EEFSEC: variants seen among roughly 807,000 people sequenced by gnomAD.
EEFSEC encodes the protein selenocysteine-specific elongation factor.
EEFSEC carries 43 observed loss-of-function variants against 42.1 expected under a neutral mutation model. That is an observed-to-expected ratio of 1.02 (90% CI 0.80 to 1.32). The LOEUF is 1.32. Among genes scored for constraint, EEFSEC ranks in the 40% most tolerant of loss-of-function variants. The probability of loss-of-function intolerance (pLI) is 0.00; values close to 1 mark genes in which losing one functional copy is unlikely to be tolerated. For synonymous variants in EEFSEC, 354 were observed against 339.1 expected, an observed-to-expected ratio of 1.04 and a Z score of -0.48; for missense variants, 745 against 803.6, an observed-to-expected ratio of 0.93 and a Z score of 0.88.
chr3:128,350,628 G>T (rs1286973421), intron 5 of EEFSEC, among the ~76,000 whole-genome samples: 1 of 152,234 alleles, frequency 6.6e-6, no homozygotes, highest in Non-Finnish European at 1.5e-5. Flanking sequence ...GGCTGCTGGA[G>T]TGCTTGTTCA....
At chr3:128,387,993 A>C (rs187581224) in intron 6 of EEFSEC, among the ~76,000 whole-genome samples, 1 of 152,296 alleles carries the variant, frequency 6.6e-6, no homozygotes, top group Admixed American at 6.5e-5. Flanking sequence ...AAGCTCAAGT[A>C]AGGTGCAGCC....
chr3:128,284,787 G>A (rs1432226226), intron 4 of EEFSEC, among the ~76,000 whole-genome samples: 3 of 152,106 alleles, frequency 2.0e-5, no homozygotes, highest in African/African-American at 7.2e-5. Context: ...GAGGCTCCTG[G>A]AGCCGCCACC....
chr3:128,398,255 A>G (rs748945016), intron 6 of EEFSEC, among the ~76,000 whole-genome samples: 2 of 151,696 alleles, frequency 1.3e-5, no homozygotes, highest in African/African-American at 4.8e-5. Flanking sequence ...CCAAGCCAAG[A>G]TGCTACAGAG....
chr3:128,408,012 G>T, intron 6 of EEFSEC, 57 bp from the exon 7 acceptor site: 1 of 1,460,500 alleles, frequency 6.8e-7, no homozygotes, highest in Non-Finnish European at 9.1e-7. Context: ...CGCGGGCAGG[G>T]AGCCCACGGG....
In EEFSEC at chr3:128,389,727, G is replaced by A. The variant is rs538796227; in HGVS notation, c.1601-18342G>A. Reference sequence around the variant, plus strand: ...CAGGGAGCATGGCATGCTTGACCTTGGGAAAGGGAGGCCTTGGCTTAACGC... The same window carrying A: ...CAGGGAGCATGGCATGCTTGACCTTAGGAAAGGGAGGCCTTGGCTTAACGC... On this transcript the variant is annotated intron_variant, in intron 6 of 6. Transcript: ENST00000254730. Among the ~76,000 whole-genome samples the A allele has an allele frequency of 3.3e-5, 5 of 152,398 alleles. No homozygotes were observed. The South Asian group carries it at 6.2e-4, about 19-fold the overall frequency.
intron 4 of EEFSEC, among the ~76,000 whole-genome samples, chr3:128,268,177 C>T (rs1028569727): frequency 6.6e-6 from 1 of 152,138 alleles, no homozygotes; most frequent in Non-Finnish European, 1.5e-5. Flanking sequence ...GACCAATGAA[C>T]CTTGTATTTT....
At chr3:128,337,153 A>T (rs1390610906) in intron 4 of EEFSEC, 1 of 152,146 alleles carries the variant, frequency 6.6e-6, no homozygotes, top group Non-Finnish European at 1.5e-5. Context: ...TCTGTTCCGA[A>T]GCGTCCCTCA....
intron 4 of EEFSEC, among the ~76,000 whole-genome samples, chr3:128,277,309 A>G (rs1576600992): frequency 6.6e-6 from 1 of 152,242 alleles, no homozygotes; most frequent in Admixed American, 6.5e-5. Context: ...ACAGGTGTCA[A>G]CTTGTAATCA....
At position 128,338,856 on chromosome 3, in the gene EEFSEC, A is replaced by G. The variant is rs542367179; in HGVS notation, c.787-2377A>G. Reference sequence around the variant, plus strand: ...TCACAGGGAGTCCCCATAGAATTCCAGCTGACCAGAGGATCTTCCTGCTCG... The same window carrying G: ...TCACAGGGAGTCCCCATAGAATTCCGGCTGACCAGAGGATCTTCCTGCTCG... On this transcript the variant is annotated intron_variant, in intron 4 of 6. Coordinates refer to ENST00000254730, the MANE Select transcript of EEFSEC (RefSeq NM_021937.5). Among the ~76,000 whole-genome samples, 24 of 152,282 alleles carry G rather than the reference A, an allele frequency of 1.6e-4. No individual in the cohort carries two copies. In the South Asian group the frequency reaches 4.8e-3, roughly 30 times the overall value.
At chr3:128,249,104 G>C (rs748131202) in intron 2 of EEFSEC, among the ~76,000 whole-genome samples, 6 of 152,194 alleles carry the variant, frequency 3.9e-5, no homozygotes, top group Non-Finnish European at 8.8e-5. Context: ...ATGTTCCCTT[G>C]TTAAGTAAAC....
intron 1 of EEFSEC, among the ~76,000 whole-genome samples, chr3:128,185,123 GTT>G (rs35568074): frequency 0.13 from 19,876 of 152,136 alleles, 1,522 homozygotes; most frequent in Admixed American, 0.2. Flanking sequence ...GTTTTTTGGA[GTT>G]TGGATGCAAA....
rs111244674 is a variant in EEFSEC, at chr3:128,161,281, G to T, written c.316+7458G>T. Among the ~76,000 whole-genome samples, 131 of 152,312 alleles carry T rather than the reference G, an allele frequency of 8.6e-4. 1 individual carries two copies. Among genetic ancestry groups the T allele is most frequent in the African/African-American group, 3.1e-3 (127 of 41,558 alleles). ...ATGTATGTTTTAAAGACTTGGGTGG[G>T]TGTGAGGGACTTAGACTCATCCTCA... On this transcript the variant is annotated intron_variant, in intron 1 of 6. Transcript: ENST00000254730.
At chr3:128,413,761 G>C in the EEFSEC span, among the ~76,000 whole-genome samples, 3 of 152,278 alleles carry the variant, frequency 2.0e-5, no homozygotes, top group East Asian at 5.8e-4. Context: ...ACCCCCCAAG[G>C]TCATTCCATA....
chr3:128,171,443 A>G (rs1022205710), intron 1 of EEFSEC, among the ~76,000 whole-genome samples: 6 of 152,232 alleles, frequency 3.9e-5, no homozygotes, highest in Non-Finnish European at 8.8e-5. Context: ...ACTGCTTTCT[A>G]ATTAAAAACC....
intron 1 of EEFSEC, among the ~76,000 whole-genome samples, chr3:128,246,628 G>A (rs1410557349): frequency 6.6e-6 from 1 of 152,198 alleles, no homozygotes; most frequent in African/African-American, 2.4e-5. Context: ...TCTGTGTTTT[G>A]TGGACCTCAG....
intron 5 of EEFSEC, among the ~76,000 whole-genome samples, chr3:128,357,721 G>A (rs1387431417): frequency 2.6e-5 from 4 of 152,076 alleles, no homozygotes; most frequent in African/African-American, 7.3e-5. Flanking sequence ...GCTCAGGAGC[G>A]GCCCGGGTGA....
intron 6 of EEFSEC, among the ~76,000 whole-genome samples, chr3:128,380,369 C>T (rs538581472): frequency 1.3e-5 from 2 of 152,314 alleles, no homozygotes; most frequent in African/African-American, 2.4e-5. Flanking sequence ...GTACAGTAGA[C>T]AGCCCTGTAA....
At chr3:128,392,779 G>A (rs2067930754) in intron 6 of EEFSEC, among the ~76,000 whole-genome samples, 1 of 152,218 alleles carries the variant, frequency 6.6e-6, no homozygotes, top group African/African-American at 2.4e-5. Context: ...GACAGAGGCT[G>A]GGCCTGGCAC....
chr3:128,274,861 T>C, intron 4 of EEFSEC, among the ~76,000 whole-genome samples: 1 of 152,164 alleles, frequency 6.6e-6, no homozygotes, highest in East Asian at 1.9e-4. Flanking sequence ...AAGAACAGCC[T>C]TCAGGTGGGA....
Sources: gnomAD v4.1 joint callset for allele counts (sites outside exome capture counted in the v4.1 genomes callset) on GRCh38, gnomAD v4.1.1 for gene constraint, MANE v1.5 for transcripts, NCBI Gene and HGNC (gene_info 2026-07-23, HGNC 2026-07-21) for gene names.